The following PTPRD variants were observed in gnomAD, a reference collection of about 807,000 sequenced individuals.
PTPRD encodes protein tyrosine phosphatase receptor type D, also known as receptor-type tyrosine-protein phosphatase delta.
Under a neutral mutation model 214.5 loss-of-function variants are expected in PTPRD, and 34 were observed. The observed-to-expected ratio is 0.16, with a 90% CI of 0.12 to 0.21. The LOEUF (loss-of-function observed/expected upper bound fraction) is 0.21, where lower values mean the gene tolerates loss of function less well. Among genes scored for constraint, PTPRD ranks in the 10% least tolerant of loss-of-function variants. PTPRD has a pLI of 1.00. For synonymous variants in PTPRD, 1,128 were observed against 845.7 expected, an observed-to-expected ratio of 1.33 and a Z score of -5.79; for missense variants, 2,545 against 2,398.7, an observed-to-expected ratio of 1.06 and a Z score of -1.27.
intron 5 of PTPRD, among the ~76,000 whole-genome samples, chr9:9,937,844 A>T (rs550651685): frequency 3.3e-5 from 5 of 152,176 alleles, no homozygotes; most frequent in African/African-American, 7.2e-5. Flanking sequence ...TTCATTCCCT[A>T]AACTGTTATT....
chr9:10,220,539 T>C (rs1326675218), intron 3 of PTPRD, among the ~76,000 whole-genome samples: 1 of 151,928 alleles, frequency 6.6e-6, no homozygotes, highest in Non-Finnish European at 1.5e-5. Context: ...GATTAATAAA[T>C]CACAAGCTGT....
intron 17 of PTPRD, among the ~76,000 whole-genome samples, chr9:8,526,312 A>G (rs2074124037): frequency 6.6e-6 from 1 of 150,766 alleles, no homozygotes; most frequent in Non-Finnish European, 1.5e-5. Context: ...GAAGAAAAGG[A>G]AAAAAAAAGA....
chr9:8,373,358 T>C (rs1226199389), intron 39 of PTPRD, among the ~76,000 whole-genome samples: 1 of 151,890 alleles, frequency 6.6e-6, no homozygotes, highest in Non-Finnish European at 1.5e-5. Context: ...TACCTATGGG[T>C]AATTATTTCA....
In PTPRD at chr9:9,869,866, C is replaced by A. The variant is rs568816715; in HGVS notation, c.-368+68641G>T. ...TGTGAACAAACCAACTGTAAAAATACAGCAGAGATTGAGACAAGTGGGAAA... is the reference window on the plus strand; with the variant it reads ...TGTGAACAAACCAACTGTAAAAATAAAGCAGAGATTGAGACAAGTGGGAAA... On this transcript the variant is annotated intron_variant, in intron 5 of 45. Transcript: ENST00000381196. 5.7e-4 allele frequency among the ~76,000 whole-genome samples: 87 copies of A among 151,902 alleles called. No homozygotes were observed. In the South Asian group the frequency reaches 0.017, roughly 30 times the overall value.
intron 2 of PTPRD, among the ~76,000 whole-genome samples, chr9:10,502,436 A>G (rs1355988568): frequency 1.3e-5 from 2 of 152,062 alleles, no homozygotes; most frequent in African/African-American, 4.8e-5. Context: ...CTATTTGCAA[A>G]TTTAAAATTA....
intron 7 of PTPRD, among the ~76,000 whole-genome samples, chr9:9,617,622 A>C (rs2094957352): frequency 6.6e-6 from 1 of 152,142 alleles, no homozygotes; most frequent in Non-Finnish European, 1.5e-5. Context: ...TGAAAAAAGA[A>C]GTCTCTTTGG....
rs150167837 is a variant in PTPRD at position 10,189,385 on chromosome 9, A to T, written c.-545+151578T>A. Among the ~76,000 whole-genome samples the T allele has an allele frequency of 1.4e-4, 22 of 152,298 alleles. No individual in the cohort carries two copies. In the East Asian group the frequency reaches 4.3e-3, roughly 29 times the overall value. On this transcript the variant is annotated intron_variant, in intron 3 of 45. Coordinates refer to ENST00000381196, the MANE Select transcript of PTPRD (RefSeq NM_002839.4). ...CAAGGAAGCTAGCCCAGAATTCCTT[A>T]CACGGGGCTATCAGAGTAGAAAGAG...
intron 3 of PTPRD, among the ~76,000 whole-genome samples, chr9:10,154,192 G>T (rs2099079659): frequency 6.6e-6 from 1 of 152,118 alleles, no homozygotes; most frequent in Non-Finnish European, 1.5e-5. Flanking sequence ...GTATCTCATT[G>T]TGGTTTTAAT....
intron 35 of PTPRD, among the ~76,000 whole-genome samples, chr9:8,431,342 A>C (rs1312210825): frequency 1.3e-5 from 2 of 152,174 alleles, no homozygotes; most frequent in Admixed American, 1.3e-4. Context: ...CCACAGAGAA[A>C]GCACAAAGAT....
At chr9:10,259,075 T>C (rs928572778) in intron 3 of PTPRD, among the ~76,000 whole-genome samples, 1 of 152,142 alleles carries the variant, frequency 6.6e-6, no homozygotes, top group Admixed American at 6.5e-5. Flanking sequence ...CAGGCTGGAG[T>C]GCAGTGGCGC....
In PTPRD at chr9:9,787,144, T is replaced by TAA. The variant is rs55842517; in HGVS notation, c.-367-20295_-367-20294dup. Among the ~76,000 whole-genome samples the TAA allele has an allele frequency of 6.5e-3, 966 of 148,132 alleles. 5 individuals carry two copies. Among genetic ancestry groups the TAA allele is most frequent in the Non-Finnish European group, 9.5e-3 (638 of 66,952 alleles). On this transcript the variant is annotated intron_variant, in intron 5 of 45. Coordinates refer to ENST00000381196, the MANE Select transcript of PTPRD (RefSeq NM_002839.4). ...AGAGTGAAATTCCATCTCAATTTAA[T>TAA]AAAAAAAAAATACATAAAAATGTTT...
At chr9:8,796,782 A>T (rs575920560) in intron 11 of PTPRD, among the ~76,000 whole-genome samples, 1 of 152,302 alleles carries the variant, frequency 6.6e-6, no homozygotes, top group Admixed American at 6.5e-5. Flanking sequence ...GATTATGTCA[A>T]GTTCCCATAA....
Position 8,486,095 on chromosome 9 carries a change from C to T in PTPRD, c.2722G>A (p.Val908Met), listed in dbSNP as rs1171509183. ...RNKVGFGEEM[V>M]KEISIPEEVP... Reference sequence around the variant, plus strand: ...TCTTCTGGAATGGAAATCTCCTTCACCATCTCCTCCCCAAAGCCCACTTTG... The same window carrying T: ...TCTTCTGGAATGGAAATCTCCTTCATCATCTCCTCCCCAAAGCCCACTTTG... The change falls in exon 28 of 46, where the codon GTG (valine) becomes ATG (methionine). Residue 908 changes from valine (V) to methionine (M), a missense_variant. Physicochemically the swap from Val to Met is conservative, Grantham distance 21. Coordinates refer to ENST00000381196, the MANE Select transcript of PTPRD (RefSeq NM_002839.4). 1 of 1,614,186 alleles carries T rather than the reference C, an allele frequency of 6.2e-7. No homozygotes were observed. The highest frequency in any genetic ancestry group is 1.1e-5 in the South Asian group (1 of 91,082).
At chr9:10,408,495 A>G (rs891623210) in intron 2 of PTPRD, among the ~76,000 whole-genome samples, 18 of 151,730 alleles carry the variant, frequency 1.2e-4, no homozygotes, top group Non-Finnish European at 1.6e-4. Flanking sequence ...TCATCCAGCT[A>G]GGAATTAAGG....
intron 9 of PTPRD, among the ~76,000 whole-genome samples, chr9:9,345,567 A>G (rs2048473044): frequency 1.3e-5 from 2 of 152,142 alleles, no homozygotes; most frequent in Admixed American, 6.6e-5. Context: ...CTTAGAATCT[A>G]TGACTCTGTT....
intron 44 of PTPRD, among the ~76,000 whole-genome samples, chr9:8,323,252 G>A (rs926453597): frequency 6.6e-6 from 1 of 152,122 alleles, no homozygotes; most frequent in Non-Finnish European, 1.5e-5. Context: ...GAGCTCTGGT[G>A]GAATGTACAA....
chr9:8,687,220 G>GA (rs139543204), intron 12 of PTPRD, among the ~76,000 whole-genome samples: 1,752 of 149,884 alleles, frequency 0.012, 17 homozygotes, highest in African/African-American at 0.021. Flanking sequence ...GCAGAAATCA[G>GA]AAAAAAAAAC....
chr9:8,554,416 G>A (rs577212839), intron 14 of PTPRD, among the ~76,000 whole-genome samples: 3 of 152,236 alleles, frequency 2.0e-5, no homozygotes, highest in Admixed American at 6.5e-5. Context: ...TAGGGAAAAA[G>A]TCCTTGTTTT....
chr9:8,522,379 C>G (rs2097909161), intron 19 of PTPRD, among the ~76,000 whole-genome samples: 1 of 152,090 alleles, frequency 6.6e-6, no homozygotes, highest in East Asian at 1.9e-4. Context: ...TAGGGGATGA[C>G]AGGGTTGAAA....
Sources: gnomAD v4.1 joint callset for allele counts (sites outside exome capture counted in the v4.1 genomes callset) on GRCh38, gnomAD v4.1.1 for gene constraint, MANE v1.5 for transcripts, NCBI Gene and HGNC (gene_info 2026-07-23, HGNC 2026-07-21) for gene names.